The following STX16 variants were observed in gnomAD, a reference collection of about 807,000 sequenced individuals.
The protein encoded by STX16 is syntaxin-16.
Under a neutral mutation model 42.7 loss-of-function variants are expected in STX16, and 28 were observed. The ratio of observed to expected loss-of-function variants is 0.66; its 90% CI spans 0.49 to 0.90. STX16 has a LOEUF of 0.90. STX16 is among the 40% of genes least tolerant of loss of function. The pLI is 0.00. For missense variants in STX16, 361 were observed against 420.9 expected (o/e 0.86, Z 1.24); for synonymous variants, 156 against 155.2 (o/e 1.00, Z -0.04).
At chr20:58,670,136 T>C (rs1429434524) in intron 5 of STX16, among the ~76,000 whole-genome samples, 1 of 152,252 alleles carries the variant, frequency 6.6e-6, no homozygotes. Context: ...TAGGGCCATA[T>C]GGAATTCATA....
At chr20:58,673,508 C>T (rs1420208588) in intron 7 of STX16, 123 bp from the exon 8 acceptor site, 5 of 669,736 alleles carry the variant, frequency 7.5e-6, no homozygotes. Context: ...GTACCTGCAG[C>T]ACACAGGGAA....
chr20:58,673,724 T>C lies in STX16; in HGVS notation c.873+13T>C, dbSNP rs757647414. On this transcript the variant is annotated intron_variant, in intron 8 of 8. Transcript: ENST00000371141. ...ACAGCTTCACAAGGTAATATGTCTT[T>C]CAAGACTTGGGAATCTTAGGAACTA... 3.8e-6 allele frequency: 6 copies of C among 1,587,048 alleles called. No homozygotes were observed. The South Asian group carries it at 5.5e-5, about 15-fold the overall frequency.
At position 58,678,826 on chromosome 20, in the gene STX16, G is replaced by A. The variant is rs1054672495; in HGVS notation, c.*2535G>A. On this transcript the variant is annotated 3_prime_UTR_variant, in exon 9 of 9. Coordinates refer to ENST00000371141, the MANE Select transcript of STX16 (RefSeq NM_001001433.3). ...GAGGAAGTAAGAGAAAAGAATCATG[G>A]TACCTCAGGGTTTCTTTCCCTTTAC... 1.3e-5 allele frequency: 2 copies of A among 152,158 alleles called. No homozygotes were observed. Among genetic ancestry groups the A allele is most frequent in the African/African-American group, 2.4e-5 (1 of 41,392 alleles). The allele number at this position is 152,158 out of a possible 1,614,324, so 9.4% of individuals were successfully genotyped here.
rs145863399 is a variant in STX16 at position 58,654,047 on chromosome 20, G to T, written c.132+1909G>T. 9.1e-3 allele frequency among the ~76,000 whole-genome samples: 1,381 copies of T among 152,182 alleles called. 8 individuals are homozygous for T. Among genetic ancestry groups the T allele is most frequent in the Non-Finnish European group, 0.014 (919 of 67,978 alleles). ...TTAACGTATACAGTTTGGAAAAATA[G>T]ATATGTCAGGGTATATACAGATACA... On this transcript the variant is annotated intron_variant, in intron 1 of 8. Coordinates refer to ENST00000371141, the MANE Select transcript of STX16 (RefSeq NM_001001433.3).
In STX16 at chr20:58,652,138, G is replaced by A. The variant is rs1391569210; in HGVS notation, c.132G>A (p.Ala44=). 6.2e-7 allele frequency: 1 copy of A among 1,613,684 alleles called. No homozygotes were observed. Among genetic ancestry groups the A allele is most frequent in the Admixed American group, 1.7e-5 (1 of 60,020 alleles). Residue 44 remains alanine (A), a splice_region_variant and synonymous_variant, in exon 1 of 9, where the codon GCG becomes GCA. Coordinates refer to ENST00000371141, the MANE Select transcript of STX16 (RefSeq NM_001001433.3). ...SSPLHSRSIA[A]ELDELADDRM... is the part of the protein sequence containing the mutation. ...CTCTGCATTCACGTAGCATTGCTGC[G>A]GTGAGTCTCCTGGCGGCCTCTCCGA...
In STX16 at chr20:58,651,727, G is replaced by T; in HGVS notation, c.-280G>T. 2.9e-6 allele frequency: 1 copy of T among 348,230 alleles called. No individual in the cohort carries two copies. The highest frequency in any genetic ancestry group is 5.4e-6 in the Non-Finnish European group (1 of 184,892). The allele number at this position is 348,230 out of a possible 1,614,324, so 21.6% of individuals were successfully genotyped here. On this transcript the variant is annotated 5_prime_UTR_variant, in exon 1 of 9. Transcript: ENST00000371141. Reference sequence around the variant, plus strand: ...ATTGGGGTGGGGTCTCTGGGACGTTGGATCGCTACGCAAGGATTGGGGGGA... The same window carrying T: ...ATTGGGGTGGGGTCTCTGGGACGTTTGATCGCTACGCAAGGATTGGGGGGA...
chr20:58,671,087 C>A, intron 6 of STX16, 67 bp from the exon 7 acceptor site: 1 of 1,395,376 alleles, frequency 7.2e-7, no homozygotes. Flanking sequence ...TATATCTAAA[C>A]AAGTATACCA....
At position 58,669,276 on chromosome 20, in the gene STX16, G is replaced by C. The variant is rs764734242; in HGVS notation, c.394-15G>C. 8 of 1,608,556 alleles carry C rather than the reference G, an allele frequency of 5.0e-6. No homozygotes were observed. The South Asian group carries it at 8.8e-5, about 18-fold the overall frequency. On this transcript the variant is annotated splice_polypyrimidine_tract_variant and intron_variant, in intron 4 of 8. Coordinates refer to ENST00000371141, the MANE Select transcript of STX16 (RefSeq NM_001001433.3). ...TCTCCCAGGCTTGCCCTGAGCCTCG[G>C]GCTTGTTCTCTTAGCTCTTCCACAG...
At chr20:58,670,132 C>A (rs1470650354) in intron 5 of STX16, among the ~76,000 whole-genome samples, 1 of 152,148 alleles carries the variant, frequency 6.6e-6, no homozygotes, top group Non-Finnish European at 1.5e-5. Flanking sequence ...TGATTAGGGC[C>A]ATATGGAATT....
chr20:58,670,676 C>A (rs1601039716), intron 6 of STX16, 73 bp downstream of exon 6: 6 of 1,251,046 alleles, frequency 4.8e-6, no homozygotes, highest in Non-Finnish European at 5.9e-6. Context: ...TCCTAGACCT[C>A]GATCTTCTGT....
At chr20:58,665,490 C>T (rs576434676) in intron 2 of STX16, among the ~76,000 whole-genome samples, 4 of 152,254 alleles carry the variant, frequency 2.6e-5, no homozygotes, top group South Asian at 2.1e-4. Context: ...CACATAATGG[C>T]TCTGTGACCT....
intron 1 of STX16, among the ~76,000 whole-genome samples, chr20:58,655,046 C>T (rs2083556476): frequency 2.0e-5 from 3 of 151,974 alleles, no homozygotes; most frequent in Admixed American, 2.0e-4. Flanking sequence ...AACACTCAGG[C>T]AATTTGAAAG....
Position 58,676,510 on chromosome 20 carries a change from C to T in STX16, c.*219C>T, listed in dbSNP as rs991735692. The T allele has an allele frequency of 1.8e-6, 1 of 540,862 alleles. No homozygotes were observed. The highest frequency in any genetic ancestry group is 3.3e-6 in the Non-Finnish European group (1 of 304,504). The allele number at this position is 540,862 out of a possible 1,614,324, so 33.5% of individuals were successfully genotyped here. ...TCCTTCATTGTTGAGAATTTAAGGA[C>T]CTTTGATACTGCTGCACAATAGAGA... is the stretch of plus-strand genomic sequence containing the variant. On this transcript the variant is annotated 3_prime_UTR_variant, in exon 9 of 9. Transcript: ENST00000371141.
Position 58,676,177 on chromosome 20 carries a change from C to G in STX16, c.874-10C>G. On this transcript the variant is annotated splice_polypyrimidine_tract_variant and intron_variant, in intron 8 of 8. Coordinates refer to ENST00000371141, the MANE Select transcript of STX16 (RefSeq NM_001001433.3). ...AAAATGACGGCCTTTTTTCCCTCCTCTTTTTGTAGGCAGAACAGTATCAAA... is the reference window on the plus strand; with the variant it reads ...AAAATGACGGCCTTTTTTCCCTCCTGTTTTTGTAGGCAGAACAGTATCAAA... 6.2e-7 allele frequency: 1 copy of G among 1,611,642 alleles called. No individual in the cohort carries two copies. The highest frequency in any genetic ancestry group is 8.5e-7 in the Non-Finnish European group (1 of 1,178,718).
In STX16 at chr20:58,652,238, A is replaced by G. The variant is rs2083475651; in HGVS notation, c.132+100A>G. ...GTCTCTCTGTTTAAAAAGAGAAGAT[A>G]AGAATAATAAGACTAAGAATAATAA... On this transcript the variant is annotated intron_variant, in intron 1 of 8. Transcript: ENST00000371141. The G allele has an allele frequency of 2.6e-5, 39 of 1,478,262 alleles. 1 individual carries two copies. In the South Asian group the frequency reaches 4.5e-4, roughly 17 times the overall value. 91.6% of individuals were successfully genotyped at this position (1,478,262 alleles called of 1,614,324 possible). A position where few individuals can be genotyped will look rare whatever the true frequency, so the allele number is the denominator to read the frequency against.
At position 58,677,746 on chromosome 20, in the gene STX16, A is replaced by G. The variant is rs1159861536; in HGVS notation, c.*1455A>G. ...AAATGTCTCTCTAGAGTTGACTTTA[A>G]AGTTGTTTACAGAAATTTAAACTCA... On this transcript the variant is annotated 3_prime_UTR_variant, in exon 9 of 9. Coordinates refer to ENST00000371141, the MANE Select transcript of STX16 (RefSeq NM_001001433.3). 1 of 152,202 alleles carries G rather than the reference A, an allele frequency of 6.6e-6. No individual in the cohort carries two copies. Among genetic ancestry groups the G allele is most frequent in the Non-Finnish European group, 1.5e-5 (1 of 68,034 alleles). The allele number at this position is 152,202 out of a possible 1,614,324, so 9.4% of individuals were successfully genotyped here. A position where few individuals can be genotyped will look rare whatever the true frequency, so the allele number is the denominator to read the frequency against.
chr20:58,668,986 C>T (rs916806699), intron 4 of STX16, among the ~76,000 whole-genome samples: 4 of 152,052 alleles, frequency 2.6e-5, no homozygotes, highest in Admixed American at 6.5e-5. Context: ...CAAAATCTCC[C>T]GAAATTTGAA....
intron 7 of STX16, 104 bp from the exon 8 acceptor site, chr20:58,673,527 T>C: frequency 1.3e-6 from 1 of 780,030 alleles, no homozygotes; most frequent in Non-Finnish European, 2.2e-6. Flanking sequence ...AAGGAAAACA[T>C]CATCTTATGG....
chr20:58,669,640 C>T (rs1332071149), intron 5 of STX16, among the ~76,000 whole-genome samples, 187 bp downstream of exon 5: 1 of 152,112 alleles, frequency 6.6e-6, no homozygotes, highest in Non-Finnish European at 1.5e-5. Context: ...GAAGGCACAG[C>T]GTGGGGTACC....
Sources: gnomAD v4.1 joint callset for allele counts (sites outside exome capture counted in the v4.1 genomes callset) on GRCh38, gnomAD v4.1.1 for gene constraint, MANE v1.5 for transcripts, NCBI Gene and HGNC (gene_info 2026-07-23, HGNC 2026-07-21) for gene names.